Variants in EXOC3L4 observed in about 807,000 individuals in gnomAD.
EXOC3L4 encodes the protein exocyst complex component 3 like 4.
Under a neutral mutation model 69.7 loss-of-function variants are expected in EXOC3L4, and 62 were observed. The observed-to-expected ratio is 0.89, with a 90% CI of 0.72 to 1.10. The LOEUF (loss-of-function observed/expected upper bound fraction) is 1.10. Among genes scored for constraint, EXOC3L4 ranks in the 50% least tolerant of loss-of-function variants. EXOC3L4 has a pLI of 0.00. For synonymous variants in EXOC3L4, 502 were observed against 464.2 expected (o/e 1.08, Z -1.05); for missense variants, 1,087 against 1,034.8 (o/e 1.05, Z -0.69).
chr14:103,103,978 G>T lies in EXOC3L4; in HGVS notation c.1087G>T (p.Ala363Ser). 6.4e-7 allele frequency: 1 copy of T among 1,558,246 alleles called. No individual in the cohort carries two copies. The highest frequency in any genetic ancestry group is 8.6e-7 in the Non-Finnish European group (1 of 1,158,260). ...GGGCGCCCCGGGGCTGGCGCTGCCCGCCGAGCCGCTGCCTCCGCTCCTGGC... is the reference window on the plus strand; with the variant it reads ...GGGCGCCCCGGGGCTGGCGCTGCCCTCCGAGCCGCTGCCTCCGCTCCTGGC... ...FLGAPGLALP[A>S]EPLPPLLAPD... Residue 363 changes from alanine to serine, a missense_variant, in exon 4 of 12, where the codon GCC (alanine) becomes TCC (serine). Ala to Ser is a moderately conservative substitution (Grantham distance 99). Coordinates refer to ENST00000688303, the MANE Select transcript of EXOC3L4 (RefSeq NM_001077594.2).
At position 103,107,714 on chromosome 14, in the gene EXOC3L4, G is replaced by A. The variant is rs775581929; in HGVS notation, c.1785G>A (p.Met595Ile). ...GGCCACGGGAGCGGTTCCGGGGCAT[G>A]GAGCGCATGCATGGCTCCCAGAAGA... The part of the protein sequence containing the change: ...ALRPRERFRG[M>I]ERMHGSQKMS... The change falls in exon 10 of 12, where the codon ATG (methionine) becomes ATA (isoleucine). Residue 595 changes from methionine to isoleucine, a missense_variant. Coordinates refer to ENST00000688303, the MANE Select transcript of EXOC3L4 (RefSeq NM_001077594.2). 6.4e-7 allele frequency: 1 copy of A among 1,552,554 alleles called. No homozygotes were observed. Among genetic ancestry groups the A allele is most frequent in the Non-Finnish European group, 8.7e-7 (1 of 1,146,868 alleles).
At position 103,097,748 on chromosome 14, in the gene EXOC3L4, A is replaced by G. The variant is rs1889962271; in HGVS notation, c.-16-2456A>G. Among the ~76,000 whole-genome samples, 3 of 152,178 alleles carry G rather than the reference A, an allele frequency of 2.0e-5. No homozygotes were observed. The South Asian group carries it at 6.2e-4, about 32-fold the overall frequency. ...CTGAACCCCGAGGTCCTGAAACCCA[A>G]GTCAGGTTTGGAGAACAAACAGGGG... is the stretch of plus-strand genomic sequence containing the variant. On this transcript the variant is annotated intron_variant, in intron 1 of 11. Coordinates refer to ENST00000688303, the MANE Select transcript of EXOC3L4 (RefSeq NM_001077594.2). This position sits in a 1 kb window ranked among gnomAD's most constrained non-coding sequence, Gnocchi z 4.9.
At chr14:103,101,705 G>C (rs904377908) in intron 2 of EXOC3L4, among the ~76,000 whole-genome samples, 2 of 152,236 alleles carry the variant, frequency 1.3e-5, no homozygotes, top group Admixed American at 6.5e-5. Flanking sequence ...GGTGGAGGCT[G>C]GCGGAGAGTG....
intron 2 of EXOC3L4, among the ~76,000 whole-genome samples, chr14:103,101,100 G>T (rs902758885): frequency 6.6e-6 from 1 of 152,096 alleles, no homozygotes; most frequent in Non-Finnish European, 1.5e-5. Context: ...GTAAGACGGG[G>T]TTTCACCATA....
At position 103,102,623 on chromosome 14, in the gene EXOC3L4, G is replaced by T; in HGVS notation, c.900G>T (p.Ala300=). The change falls in exon 3 of 12, where the codon GCG becomes GCT. Residue 300 remains alanine (A), a synonymous_variant. Coordinates refer to ENST00000688303, the MANE Select transcript of EXOC3L4 (RefSeq NM_001077594.2). ...LQKVRQEVQP[A]YAAAGFPAWE... Reference sequence around the variant, plus strand: ...AGGTGCGGCAGGAGGTGCAGCCCGCGTATGCGGCGGCCGGCTTCCCAGCGT... The same window carrying T: ...AGGTGCGGCAGGAGGTGCAGCCCGCTTATGCGGCGGCCGGCTTCCCAGCGT... 6.7e-7 allele frequency: 1 copy of T among 1,498,578 alleles called. No individual in the cohort carries two copies. The allele number at this position is 1,498,578 out of a possible 1,614,324, so 92.8% of individuals were successfully genotyped here.
Position 103,102,366 on chromosome 14 carries a change from G to C in EXOC3L4, c.643G>C (p.Ala215Pro). The C allele has an allele frequency of 2.6e-6, 4 of 1,562,148 alleles. No homozygotes were observed. Among genetic ancestry groups the C allele is most frequent in the Middle Eastern group, 1.7e-4 (1 of 5,952 alleles). Residue 215 changes from alanine to proline, a missense_variant, in exon 3 of 12, where the codon GCC becomes CCC. By Grantham distance (27) the Ala-to-Pro change is conservative. Transcript: ENST00000688303. ...GVDAAALAEL[A>P]RVVSAEEEAH... Reference sequence around the variant, plus strand: ...GGACGCGGCCGCGCTGGCCGAGCTGGCCCGCGTGGTGAGCGCGGAGGAGGA... The same window carrying C: ...GGACGCGGCCGCGCTGGCCGAGCTGCCCCGCGTGGTGAGCGCGGAGGAGGA...
chr14:103,101,624 CA>C (rs143618759), intron 2 of EXOC3L4, among the ~76,000 whole-genome samples: 4,101 of 152,152 alleles, frequency 0.027, 191 homozygotes, highest in African/African-American at 0.095. Flanking sequence ...GAGGGGAGGT[CA>C]GGGGGATTGC....
intron 10 of EXOC3L4, 107 bp from the exon 11 acceptor site, chr14:103,108,289 G>T (rs939385862): frequency 1.0e-5 from 15 of 1,493,534 alleles, no homozygotes; most frequent in Non-Finnish European, 1.3e-5. Context: ...CTACAGGAGG[G>T]CTGACGCTGC....
intron 6 of EXOC3L4, 43 bp downstream of exon 6, chr14:103,104,881 G>A (rs1250157023): frequency 2.6e-6 from 4 of 1,534,820 alleles, no homozygotes; most frequent in South Asian, 2.4e-5. Context: ...GGCCGGGTGC[G>A]CTCTGCAGGT....
At chr14:103,104,110 G>T in intron 4 of EXOC3L4, 58 bp downstream of exon 4, 1 of 1,459,124 alleles carries the variant, frequency 6.9e-7, no homozygotes, top group South Asian at 1.4e-5. Flanking sequence ...GCCCTGGGGG[G>T]ATGTGCGGCG....
intron 11 of EXOC3L4, among the ~76,000 whole-genome samples, chr14:103,108,766 G>C (rs1231038179): frequency 2.0e-5 from 3 of 152,132 alleles, no homozygotes; most frequent in Non-Finnish European, 4.4e-5. Flanking sequence ...TGGAATCTGA[G>C]GGGGAGGCGG....
chr14:103,106,946 A>T, intron 8 of EXOC3L4, 47 bp downstream of exon 8: 1 of 1,433,132 alleles, frequency 7.0e-7, no homozygotes, highest in South Asian at 1.3e-5. Context: ...CCCAGCAGGC[A>T]CCCCCTATTT....
intron 3 of EXOC3L4, chr14:103,103,601 G>T (rs1468389277): frequency 8.1e-6 from 2 of 247,786 alleles, no homozygotes; most frequent in Non-Finnish European, 1.6e-5. Flanking sequence ...AAATTGTGTG[G>T]GGTCAGACCC....
At chr14:103,099,049 C>T (rs927306679) in intron 1 of EXOC3L4, among the ~76,000 whole-genome samples, 3 of 152,124 alleles carry the variant, frequency 2.0e-5, no homozygotes, top group Admixed American at 6.5e-5. Context: ...ACTTCCTGCC[C>T]GATGTCACCC....
In EXOC3L4 at chr14:103,102,676, G is replaced by T. The variant is rs990541835; in HGVS notation, c.953G>T (p.Ser318Ile). 1.2e-5 allele frequency: 18 copies of T among 1,492,276 alleles called. No homozygotes were observed. The highest frequency in any genetic ancestry group is 1.2e-5 in the Non-Finnish European group (13 of 1,126,224). 92.4% of individuals were successfully genotyped at this position (1,492,276 alleles called of 1,614,324 possible). ...AWEVYLRAFHSAVAQRLQELA... is the reference protein window; with the variant it reads ...AWEVYLRAFHIAVAQRLQELA... ...GAGGTCTATCTGCGTGCCTTCCACA[G>T]CGCCGTGGCCCAGCGCCTCCAGGAG... The change falls in exon 3 of 12, where the codon AGC (serine) becomes ATC (isoleucine). Residue 318 changes from serine to isoleucine, a missense_variant. Physicochemically the swap from Ser to Ile is moderately radical, Grantham distance 142. Transcript: ENST00000688303.
At chr14:103,108,143 G>A (rs915771498) in intron 10 of EXOC3L4, among the ~76,000 whole-genome samples, 14 of 152,284 alleles carry the variant, frequency 9.2e-5, no homozygotes, top group East Asian at 3.9e-4. Context: ...TTTCAGGCTG[G>A]CCTCGGTTTT....
chr14:103,107,435 G>T lies in EXOC3L4; in HGVS notation c.1593G>T (p.Arg531Ser), dbSNP rs779217387. 3 of 1,613,968 alleles carry T rather than the reference G, an allele frequency of 1.9e-6. No homozygotes were observed. In the South Asian group the frequency reaches 3.3e-5, roughly 18 times the overall value. Residue 531 changes from arginine to serine, a missense_variant, in exon 9 of 12, where the codon AGG becomes AGT. Physicochemically the swap from Arg to Ser is moderately radical, Grantham distance 110 (BLOSUM62 -1). Transcript: ENST00000688303. Reference protein sequence around the residue: ...GLQRELQPLFRVVCTRDWLTQ... With the variant: ...GLQRELQPLFSVVCTRDWLTQ... ...CCCTCTGTCCCCAGCCGCTCTTCAG[G>T]GTTGTGTGCACCAGGGACTGGCTGA...
In EXOC3L4 at chr14:103,100,208, C is replaced by A; in HGVS notation, c.-12C>A. ...GCCACTCCTTCTTGCCCCCAGCTCT[C>A]CTGCTGCCAAGATGCCATCACCACA... On this transcript the variant is annotated 5_prime_UTR_variant, in exon 2 of 12. Coordinates refer to ENST00000688303, the MANE Select transcript of EXOC3L4 (RefSeq NM_001077594.2). The A allele has an allele frequency of 6.4e-7, 1 of 1,561,470 alleles. No homozygotes were observed.
chr14:103,097,348 C>T lies in EXOC3L4; in HGVS notation c.-17+2508C>T, dbSNP rs1219603208. 1.3e-5 allele frequency among the ~76,000 whole-genome samples: 2 copies of T among 152,060 alleles called. No individual in the cohort carries two copies. Among genetic ancestry groups the T allele is most frequent in the African/African-American group, 4.8e-5 (2 of 41,394 alleles). Reference sequence around the variant, plus strand: ...AATCAGGGAGCGGCAGCATAGGAGCCGGGGCCCCCTGGACTCTCCGGGCAC... The same window carrying T: ...AATCAGGGAGCGGCAGCATAGGAGCTGGGGCCCCCTGGACTCTCCGGGCAC... On this transcript the variant is annotated intron_variant, in intron 1 of 11. Transcript: ENST00000688303. This position sits in a 1 kb window ranked among gnomAD's most constrained non-coding sequence, Gnocchi z 4.9.
Sources: allele counts gnomAD v4.1 joint callset (sites outside exome capture counted in the v4.1 genomes callset), GRCh38; gene constraint gnomAD v4.1.1; non-coding constraint Gnocchi (gnomAD v3.1); transcripts MANE v1.5; gene names NCBI Gene and HGNC (gene_info 2026-07-23, HGNC 2026-07-21).